RTN4RL1: variants seen among roughly 807,000 people sequenced by gnomAD.
The protein encoded by RTN4RL1 is reticulon 4 receptor like 1, also known as reticulon-4 receptor-like 1.
Under a neutral mutation model 25.6 loss-of-function variants are expected in RTN4RL1, and 7 were observed. That is an observed-to-expected ratio of 0.27 (90% confidence interval 0.16 to 0.51). The LOEUF is 0.51. Among genes scored for constraint, RTN4RL1 ranks in the 20% least tolerant of loss-of-function variants. The pLI, the probability that RTN4RL1 is intolerant of heterozygous loss-of-function variation, is 0.97. For synonymous variants in RTN4RL1, 297 were observed against 288.2 expected (o/e 1.03, Z -0.31); for missense variants, 500 against 615.6 (o/e 0.81, Z 1.99).
At chr17:1,977,425 T>C (rs1463067725) in intron 1 of RTN4RL1, among the ~76,000 whole-genome samples, 1 of 152,174 alleles carries the variant, frequency 6.6e-6, no homozygotes, top group African/African-American at 2.4e-5. Context: ...TTCGGGGTTC[T>C]CCCTGGATCC....
chr17:1,937,606 G>C lies in RTN4RL1; in HGVS notation c.216C>G (p.Gly72=), dbSNP rs1915338523. 1.2e-6 allele frequency: 2 copies of C among 1,613,844 alleles called. No homozygotes were observed. The highest frequency in any genetic ancestry group is 1.7e-6 in the Non-Finnish European group (2 of 1,179,856). Reference sequence around the variant, plus strand: ...GGGTGACCATGGCGGGGCTGAAGTGGCCGGGCTGGAGGAGGCCGATGCGGT... The same window carrying C: ...GGGTGACCATGGCGGGGCTGAAGTGCCCGGGCTGGAGGAGGCCGATGCGGT... ...QNNRIGLLQP[G]HFSPAMVTLW... is the part of the protein sequence containing the mutation. Residue 72 remains glycine (G), a synonymous_variant, in exon 2 of 2, where the codon GGC becomes GGG. Coordinates refer to ENST00000331238, the MANE Select transcript of RTN4RL1 (RefSeq NM_178568.4).
At chr17:1,965,568 G>C (rs1395797673) in intron 1 of RTN4RL1, among the ~76,000 whole-genome samples, 1 of 152,198 alleles carries the variant, frequency 6.6e-6, no homozygotes, top group African/African-American at 2.4e-5. Context: ...AAGCAGGCCA[G>C]AGTGGGCCCC....
At chr17:2,011,801 C>A (rs1377562501) in intron 1 of RTN4RL1, among the ~76,000 whole-genome samples, 1 of 152,176 alleles carries the variant, frequency 6.6e-6, no homozygotes, top group Non-Finnish European at 1.5e-5. Flanking sequence ...CTCAAGGCAG[C>A]CCCGGGGCTA....
At chr17:1,997,503 G>A (rs887878586) in intron 1 of RTN4RL1, among the ~76,000 whole-genome samples, 1 of 152,244 alleles carries the variant, frequency 6.6e-6, no homozygotes, top group Non-Finnish European at 1.5e-5. Flanking sequence ...CTGCAGGTCT[G>A]AACTTGTCTG....
chr17:2,016,767 G>A (rs1351553924), intron 1 of RTN4RL1, among the ~76,000 whole-genome samples: 1 of 152,206 alleles, frequency 6.6e-6, no homozygotes, highest in Non-Finnish European at 1.5e-5. Context: ...CCAGCGTCCG[G>A]CCTGCCCAGG....
chr17:1,955,007 CT>C (rs1198828415), intron 1 of RTN4RL1, among the ~76,000 whole-genome samples: 11 of 152,172 alleles, frequency 7.2e-5, no homozygotes, highest in Non-Finnish European at 1.2e-4. Flanking sequence ...TCACTGGCTG[CT>C]TGAGATGCCT....
intron 1 of RTN4RL1, among the ~76,000 whole-genome samples, chr17:2,006,092 G>A (rs1336420776): frequency 3.2e-5 from 2 of 62,808 alleles, no homozygotes; most frequent in South Asian, 1.4e-3. Context: ...CCACCACCCC[G>A]GCCTCTTTTC....
At chr17:1,963,856 C>T (rs965433771) in intron 1 of RTN4RL1, among the ~76,000 whole-genome samples, 5 of 152,156 alleles carry the variant, frequency 3.3e-5, no homozygotes, top group South Asian at 2.1e-4. Context: ...CTCAGGCTCC[C>T]GAGTAGCTGG....
intron 1 of RTN4RL1, among the ~76,000 whole-genome samples, chr17:1,980,137 C>T (rs1158996307): frequency 6.7e-6 from 1 of 148,678 alleles, no homozygotes; most frequent in Non-Finnish European, 1.5e-5. Flanking sequence ...AATCACGGCT[C>T]ACCAAAGCCT....
chr17:2,010,875 C>T (rs1480156407), intron 1 of RTN4RL1, among the ~76,000 whole-genome samples: 4 of 152,218 alleles, frequency 2.6e-5, no homozygotes, highest in African/African-American at 9.6e-5. Context: ...GTGTGAGCCA[C>T]CATGCTCGGT....
chr17:2,000,965 G>A (rs989464810), intron 1 of RTN4RL1, among the ~76,000 whole-genome samples: 8 of 152,158 alleles, frequency 5.3e-5, no homozygotes, highest in Non-Finnish European at 8.8e-5. Context: ...TGTGAGCTGT[G>A]GAGGGTCATG....
chr17:2,024,983 C>G lies in RTN4RL1; in HGVS notation c.-118G>C. On this transcript the variant is annotated 5_prime_UTR_variant, in exon 1 of 2. Coordinates refer to ENST00000331238, the MANE Select transcript of RTN4RL1 (RefSeq NM_178568.4). The stretch of plus-strand genomic sequence containing the variant: ...CGAGCGCGTCGAGGCGGGGGCAAGC[C>G]GGGGATCCGCTCGTGCCCGGTGGCC... 1 of 1,147,094 alleles carries G rather than the reference C, an allele frequency of 8.7e-7. No homozygotes were observed. The highest frequency in any genetic ancestry group is 2.9e-5 in the East Asian group (1 of 34,856). The allele number at this position is 1,147,094 out of a possible 1,614,324, so 71.1% of individuals were successfully genotyped here. A position where few individuals can be genotyped will look rare whatever the true frequency, so the allele number is the denominator to read the frequency against.
chr17:1,984,282 C>T (rs559307673), intron 1 of RTN4RL1, among the ~76,000 whole-genome samples: 69 of 152,344 alleles, frequency 4.5e-4, no homozygotes, highest in African/African-American at 1.6e-3. Context: ...GAGTCAAGGC[C>T]GCTGCTCTGC....
At chr17:1,976,048 A>C (rs1438175324) in intron 1 of RTN4RL1, among the ~76,000 whole-genome samples, 1 of 152,214 alleles carries the variant, frequency 6.6e-6, no homozygotes, top group African/African-American at 2.4e-5. Flanking sequence ...TAAAAATAAC[A>C]TATGATTTTC....
intron 1 of RTN4RL1, among the ~76,000 whole-genome samples, chr17:1,983,991 G>A (rs1385494493): frequency 1.3e-5 from 2 of 152,206 alleles, no homozygotes; most frequent in Non-Finnish European, 2.9e-5. Flanking sequence ...AATAAGGGCT[G>A]GCCGGAGCCC....
chr17:1,974,075 G>T (rs1003695521), intron 1 of RTN4RL1, among the ~76,000 whole-genome samples: 5 of 150,120 alleles, frequency 3.3e-5, no homozygotes, highest in African/African-American at 9.8e-5. Context: ...TCCTTAGGAG[G>T]GGGGAAAGGT....
rs773917232 is a variant in RTN4RL1, at chr17:1,937,165, G to A, written c.657C>T (p.Asp219=). ...GGAAGAGGGTGGTCAGCCTGCGGAG[G>A]TCGTGGAACGCCTTGTGGTGGACCC... The part of the protein sequence containing the change: ...LQWVHHKAFH[D]LRRLTTLFLF... Residue 219 remains aspartate, a synonymous_variant, in exon 2 of 2, where the codon GAC becomes GAT. Coordinates refer to ENST00000331238, the MANE Select transcript of RTN4RL1 (RefSeq NM_178568.4). 3.1e-6 allele frequency: 5 copies of A among 1,612,486 alleles called. No individual in the cohort carries two copies. The East Asian group carries it at 6.7e-5, about 22-fold the overall frequency.
Position 1,998,787 on chromosome 17 carries a change from TG to T in RTN4RL1, c.13+26065del, listed in dbSNP as rs2066941975. On this transcript the variant is annotated intron_variant, in intron 1 of 1. Transcript: ENST00000331238. The surrounding 1 kb of genome is among the most constrained non-coding windows in gnomAD (Gnocchi z 4.9). Reference sequence around the variant, plus strand: ...GCGCACGGGGACCCCGGGGTGGGGGTGGGGGTGGGGCTCTGCGAGGGCCCTA... The same window carrying T: ...GCGCACGGGGACCCCGGGGTGGGGGTGGGGTGGGGCTCTGCGAGGGCCCTA... 6.7e-5 allele frequency among the ~76,000 whole-genome samples: 5 copies of T among 74,854 alleles called. No homozygotes were observed. The allele number at this position is 74,854 out of a possible 152,430, so 49.1% of individuals were successfully genotyped here.
At chr17:1,939,323 A>G (rs1009966631) in intron 1 of RTN4RL1, among the ~76,000 whole-genome samples, 1 of 152,038 alleles carries the variant, frequency 6.6e-6, no homozygotes, top group Non-Finnish European at 1.5e-5. Context: ...ACTGCACTCC[A>G]GCCTGGGCGA....
Sources: gnomAD v4.1 joint callset for allele counts (sites outside exome capture counted in the v4.1 genomes callset) on GRCh38, gnomAD v4.1.1 for gene constraint, Gnocchi (gnomAD v3.1) non-coding constraint, MANE v1.5 for transcripts, NCBI Gene and HGNC (gene_info 2026-07-23, HGNC 2026-07-21) for gene names.